The following DGKB variants were observed in gnomAD, a reference collection of about 807,000 sequenced individuals.
DGKB encodes diacylglycerol kinase beta, also known as 90 kDa diacylglycerol kinase.
Under a neutral mutation model 114.3 loss-of-function variants are expected in DGKB, and 67 were observed. That is an observed-to-expected ratio of 0.59 (90% CI 0.48 to 0.72). DGKB has a LOEUF of 0.72. Ranked by LOEUF, DGKB falls within the 30% of genes least tolerant of loss-of-function variation. DGKB has a pLI of 0.00. For synonymous variants in DGKB, 398 were observed against 323.1 expected (o/e 1.23, Z -2.49); for missense variants, 907 against 975.2 (o/e 0.93, Z 0.93).
intron 9 of DGKB, among the ~76,000 whole-genome samples, chr7:14,693,650 C>A (rs1467508593): frequency 6.6e-6 from 1 of 151,338 alleles, no homozygotes; most frequent in Non-Finnish European, 1.5e-5. Context: ...AGATATTTAA[C>A]TGCCTCCTCC....
intron 13 of DGKB, among the ~76,000 whole-genome samples, chr7:14,648,022 C>T (rs545909161): frequency 3.5e-4 from 53 of 152,282 alleles, no homozygotes; most frequent in Admixed American, 1.3e-3. Context: ...TGATTGCTAG[C>T]ACAGCAGTCT....
chr7:14,565,511 T>A (rs1399678842), intron 20 of DGKB, among the ~76,000 whole-genome samples: 1 of 152,162 alleles, frequency 6.6e-6, no homozygotes, highest in Non-Finnish European at 1.5e-5. Flanking sequence ...AACTTAAATA[T>A]CCAACCATAG....
intron 21 of DGKB, among the ~76,000 whole-genome samples, chr7:14,400,097 G>A (rs569302051): frequency 1.7e-4 from 26 of 151,938 alleles, no homozygotes; most frequent in South Asian, 4.1e-4. Context: ...CCATTTTGAA[G>A]CATCATATAA....
intron 1 of DGKB, among the ~76,000 whole-genome samples, chr7:14,949,173 A>T (rs1283629528): frequency 6.6e-6 from 1 of 151,906 alleles, no homozygotes. Context: ...TTAATAAAAA[A>T]ATCTATATAG....
chr7:14,425,498 G>A (rs887946997), intron 21 of DGKB, among the ~76,000 whole-genome samples: 6 of 151,958 alleles, frequency 3.9e-5, no homozygotes, highest in African/African-American at 1.4e-4. Flanking sequence ...CTGACATAAA[G>A]GTCATAAATT....
At chr7:14,225,155 C>T (rs903777881) in intron 23 of DGKB, among the ~76,000 whole-genome samples, 1 of 152,102 alleles carries the variant, frequency 6.6e-6, no homozygotes, top group African/African-American at 2.4e-5. Flanking sequence ...CACTCTATGA[C>T]AAATTAAGTC....
chr7:14,932,423 G>T (rs1313917514), intron 1 of DGKB, among the ~76,000 whole-genome samples: 1 of 152,142 alleles, frequency 6.6e-6, no homozygotes, highest in Admixed American at 6.5e-5. Context: ...CTTCCACTCA[G>T]CCATTTTGGA....
chr7:14,776,284 AT>A (rs560455561), intron 2 of DGKB, among the ~76,000 whole-genome samples: 2 of 152,190 alleles, frequency 1.3e-5, no homozygotes, highest in East Asian at 3.8e-4. Context: ...ATAAAAATCC[AT>A]TTTTTGGGGA....
chr7:14,928,622 TCA>T (rs374992614), intron 1 of DGKB, among the ~76,000 whole-genome samples: 8 of 152,108 alleles, frequency 5.3e-5, no homozygotes, highest in African/African-American at 1.9e-4. Flanking sequence ...CAAAACAGAA[TCA>T]CACAGTTTCT....
At chr7:14,334,360 A>ATGTGTGTGTGTG (rs1491407829) in intron 23 of DGKB, among the ~76,000 whole-genome samples, 57 of 103,688 alleles carry the variant, frequency 5.5e-4, no homozygotes, top group African/African-American at 2.2e-3. Context: ...ATGTATATAC[A>ATGTGTGTGTGTG]TATGTGTGTG....
chr7:14,567,360 TTATATATATTATATA>T (rs1797654852), intron 20 of DGKB, among the ~76,000 whole-genome samples: 1 of 37,388 alleles, frequency 2.7e-5, no homozygotes, highest in Non-Finnish European at 4.4e-5. Flanking sequence ...TATAATTATA[TTATATATATTATATA>T]TTTATATATT....
At chr7:14,313,259 G>GT (rs1562906749) in intron 23 of DGKB, among the ~76,000 whole-genome samples, 14 of 145,282 alleles carry the variant, frequency 9.6e-5, no homozygotes, top group African/African-American at 4.0e-4. Context: ...ACAACATATT[G>GT]CGGGGAGGAG....
chr7:14,274,789 C>G (rs967799091), intron 23 of DGKB, among the ~76,000 whole-genome samples: 1 of 151,230 alleles, frequency 6.6e-6, no homozygotes, highest in Non-Finnish European at 1.5e-5. Context: ...CTTTTTTTTT[C>G]TTATAAAGGC....
chr7:14,446,690 A>G (rs1046338925), intron 21 of DGKB, among the ~76,000 whole-genome samples: 12 of 152,148 alleles, frequency 7.9e-5, no homozygotes, highest in Non-Finnish European at 1.6e-4. Flanking sequence ...TATGAAAAGA[A>G]GTGTTTAAAG....
chr7:14,274,961 G>T (rs1036967713), intron 23 of DGKB, among the ~76,000 whole-genome samples: 2 of 147,078 alleles, frequency 1.4e-5, no homozygotes, highest in Admixed American at 6.8e-5. Flanking sequence ...GTGTGTGTGT[G>T]TGTGTGTGTG....
rs1399726675 is a variant in DGKB, at chr7:14,180,863, A to G, written c.2123-2712T>C. On this transcript the variant is annotated intron_variant, in intron 23 of 25. Transcript: ENST00000402815. ...GACTTCCTCACCTCACATTCTAGCT[A>G]AGAGTTATTTTAAGAACAGTTCTCC... Among the ~76,000 whole-genome samples, 3 of 152,116 alleles carry G rather than the reference A, an allele frequency of 2.0e-5. No individual in the cohort carries two copies. In the East Asian group the frequency reaches 5.8e-4, roughly 29 times the overall value.
intron 20 of DGKB, among the ~76,000 whole-genome samples, chr7:14,561,839 C>T (rs1333359475): frequency 2.6e-5 from 4 of 152,284 alleles, no homozygotes; most frequent in Middle Eastern, 3.4e-3. Context: ...AATCCATTTT[C>T]GGGGGAGAAA....
chr7:14,428,122 C>G (rs2128780898), intron 21 of DGKB, among the ~76,000 whole-genome samples: 1 of 151,598 alleles, frequency 6.6e-6, no homozygotes, highest in African/African-American at 2.4e-5. Context: ...TATTTAATGC[C>G]TATTGTATGC....
At chr7:14,156,959 T>C (rs2128219972) in intron 25 of DGKB, among the ~76,000 whole-genome samples, 1 of 152,194 alleles carries the variant, frequency 6.6e-6, no homozygotes, top group African/African-American at 2.4e-5. Flanking sequence ...TGCACCAGAG[T>C]GGGCTTAATA....
Sources: allele counts gnomAD v4.1 joint callset (sites outside exome capture counted in the v4.1 genomes callset), GRCh38; gene constraint gnomAD v4.1.1; transcripts MANE v1.5; gene names NCBI Gene and HGNC (gene_info 2026-07-23, HGNC 2026-07-21).